The following ROR1 variants were observed in gnomAD, a reference collection of about 807,000 sequenced individuals.
ROR1 encodes ROR family WNT receptor 1, also known as inactive tyrosine-protein kinase transmembrane receptor ROR1.
In ROR1, 19 loss-of-function variants were observed where a neutral mutation model predicts 78.8. The ratio of observed to expected loss-of-function variants is 0.24; its 90% CI spans 0.17 to 0.35. The LOEUF is 0.35. Ranked by LOEUF, ROR1 falls within the 10% of genes least tolerant of loss-of-function variation. The probability of loss-of-function intolerance (pLI) is 1.00; values close to 1 mark genes in which losing one functional copy is unlikely to be tolerated. For synonymous variants in ROR1, 386 were observed against 433.6 expected, an observed-to-expected ratio of 0.89 and a Z score of 1.36; for missense variants, 917 against 1,177.8, an observed-to-expected ratio of 0.78 and a Z score of 3.24.
chr1:63,957,449 CCT>C (rs1372998613), intron 1 of ROR1, among the ~76,000 whole-genome samples: 1 of 152,186 alleles, frequency 6.6e-6, no homozygotes, highest in Non-Finnish European at 1.5e-5. Flanking sequence ...AACAAGCAAA[CCT>C]CTTCTTTTTC....
At chr1:63,969,581 G>C (rs1230365112) in intron 1 of ROR1, among the ~76,000 whole-genome samples, 1 of 152,046 alleles carries the variant, frequency 6.6e-6, no homozygotes, top group Non-Finnish European at 1.5e-5. Context: ...CTGCAAACTG[G>C]CTTCTCCTGT....
chr1:64,095,756 C>G (rs1647281733), intron 4 of ROR1, among the ~76,000 whole-genome samples: 1 of 152,016 alleles, frequency 6.6e-6, no homozygotes, highest in Non-Finnish European at 1.5e-5. Context: ...TCATGGTCTC[C>G]CATTATATAA....
intron 1 of ROR1, among the ~76,000 whole-genome samples, chr1:63,844,942 G>A (rs1645072136): frequency 6.6e-6 from 1 of 152,136 alleles, no homozygotes; most frequent in African/African-American, 2.4e-5. Flanking sequence ...TGTCTCTGCA[G>A]CAGAAAGTGA....
chr1:64,121,022 T>C (rs2100687441), intron 4 of ROR1, among the ~76,000 whole-genome samples: 1 of 150,512 alleles, frequency 6.6e-6, no homozygotes, highest in African/African-American at 2.4e-5. Context: ...TCTTCAGCAT[T>C]TCTCTTCATG....
At chr1:63,950,722 G>A (rs1034701945) in intron 1 of ROR1, among the ~76,000 whole-genome samples, 1 of 152,178 alleles carries the variant, frequency 6.6e-6, no homozygotes, top group African/African-American at 2.4e-5. Context: ...TTCCCCAAAT[G>A]TTTGTTTTTA....
intron 8 of ROR1, among the ~76,000 whole-genome samples, chr1:64,165,877 G>T (rs1650072873): frequency 6.6e-6 from 1 of 151,524 alleles, no homozygotes. Flanking sequence ...GCTAATTTTT[G>T]TCTTTCTTCA....
intron 1 of ROR1, among the ~76,000 whole-genome samples, chr1:63,850,979 T>TTTTG (rs199721511): frequency 0.013 from 1,981 of 152,074 alleles, 19 homozygotes; most frequent in Non-Finnish European, 0.02. Flanking sequence ...TTTGTTTGCT[T>TTTTG]TTTGTTTGTT....
At chr1:63,796,421 G>C (rs1644760746) in intron 1 of ROR1, among the ~76,000 whole-genome samples, 1 of 152,220 alleles carries the variant, frequency 6.6e-6, no homozygotes, top group Non-Finnish European at 1.5e-5. Flanking sequence ...TACTGGATCA[G>C]AAGCTGCATT....
rs147749568 is a variant in ROR1 at position 64,029,700 on chromosome 1, A to G, written c.164-19991A>G. Among the ~76,000 whole-genome samples the G allele has an allele frequency of 2.6e-5, 4 of 152,118 alleles. No homozygotes were observed. In the South Asian group the frequency reaches 8.3e-4, roughly 32 times the overall value. ...ATATTTTTATGAGGCCACCAATCTT[A>G]TCAGATTAAGACCCCACCCTGATTA... On this transcript the variant is annotated intron_variant, in intron 2 of 8. Transcript: ENST00000371079.
chr1:63,953,459 G>A (rs558349693), intron 1 of ROR1, among the ~76,000 whole-genome samples: 19 of 152,244 alleles, frequency 1.2e-4, no homozygotes, highest in South Asian at 2.1e-4. Flanking sequence ...AATAAAAGTC[G>A]TGTGAATACA....
chr1:63,916,426 A>G (rs1053706956), intron 1 of ROR1, among the ~76,000 whole-genome samples: 6 of 152,204 alleles, frequency 3.9e-5, no homozygotes, highest in African/African-American at 1.4e-4. Flanking sequence ...GAGATAACAG[A>G]CTACAAAACC....
At chr1:63,912,124 CAAAAAAAA>C (rs34115831) in intron 1 of ROR1, among the ~76,000 whole-genome samples, 2 of 123,198 alleles carry the variant, frequency 1.6e-5, no homozygotes, top group African/African-American at 2.9e-5. Context: ...CCCATCTTTA[CAAAAAAAA>C]AAAAAAAAAA....
At chr1:63,957,668 T>C (rs1279539211) in intron 1 of ROR1, among the ~76,000 whole-genome samples, 5 of 152,180 alleles carry the variant, frequency 3.3e-5, no homozygotes, top group Non-Finnish European at 7.3e-5. Flanking sequence ...GGCCATTCAT[T>C]CATCTAACGT....
intron 1 of ROR1, among the ~76,000 whole-genome samples, chr1:63,818,361 T>C (rs771334043): frequency 2.6e-5 from 4 of 152,204 alleles, no homozygotes; most frequent in Non-Finnish European, 5.9e-5. Flanking sequence ...TAGAAATGTA[T>C]TTTTTTCCTA....
intron 1 of ROR1, among the ~76,000 whole-genome samples, chr1:63,810,243 G>A (rs1011567963): frequency 6.6e-6 from 1 of 152,222 alleles, no homozygotes; most frequent in Non-Finnish European, 1.5e-5. Context: ...GAGGAATGTT[G>A]CTTCTTGGGA....
chr1:63,791,650 A>G (rs1644727653), intron 1 of ROR1, among the ~76,000 whole-genome samples: 1 of 152,080 alleles, frequency 6.6e-6, no homozygotes, highest in African/African-American at 2.4e-5. Flanking sequence ...GATGGGCATG[A>G]GGGTGGGGTT....
chr1:63,921,721 C>T (rs959029462), intron 1 of ROR1, among the ~76,000 whole-genome samples: 13 of 151,996 alleles, frequency 8.6e-5, no homozygotes, highest in Admixed American at 7.2e-4. Flanking sequence ...AACCTGTGTT[C>T]TCATCAGGGC....
chr1:64,030,544 A>G (rs1474431838), intron 2 of ROR1, among the ~76,000 whole-genome samples: 1 of 152,108 alleles, frequency 6.6e-6, no homozygotes, highest in Non-Finnish European at 1.5e-5. Flanking sequence ...CATGTAGCCT[A>G]CCTCCGTCAC....
intron 2 of ROR1, among the ~76,000 whole-genome samples, chr1:64,026,981 T>C (rs1302974334): frequency 6.6e-6 from 1 of 152,216 alleles, no homozygotes; most frequent in African/African-American, 2.4e-5. Context: ...TGTCATAATA[T>C]ATTAATACCA....
Sources: gnomAD v4.1 joint callset for allele counts (sites outside exome capture counted in the v4.1 genomes callset) on GRCh38, gnomAD v4.1.1 for gene constraint, MANE v1.5 for transcripts, NCBI Gene and HGNC (gene_info 2026-07-23, HGNC 2026-07-21) for gene names.